The following LRIT3 variants were observed in gnomAD, a reference collection of about 807,000 sequenced individuals.
LRIT3 encodes leucine-rich repeat, immunoglobulin-like domain and transmembrane domain-containing protein 3.
Under a neutral mutation model 22.6 loss-of-function variants are expected in LRIT3, and 14 were observed. That is an observed-to-expected ratio of 0.62 (90% CI 0.41 to 0.97). The LOEUF is 0.97. Ranked by LOEUF, LRIT3 falls within the 50% of genes least tolerant of loss-of-function variation. The pLI, the probability that LRIT3 is intolerant of heterozygous loss-of-function variation, is 0.00. For missense variants in LRIT3, 783 were observed against 803.0 expected, an observed-to-expected ratio of 0.98 and a Z score of 0.30; for synonymous variants, 306 against 304.5, an observed-to-expected ratio of 1.01 and a Z score of -0.05.
chr4:109,860,271 C>T (rs956816452), intron 2 of LRIT3, among the ~76,000 whole-genome samples: 3 of 152,068 alleles, frequency 2.0e-5, no homozygotes, highest in Admixed American at 1.3e-4. Context: ...TAAACATGGG[C>T]TCTTTTCCTA....
At chr4:109,866,243 A>G (rs2125900597) in intron 2 of LRIT3, among the ~76,000 whole-genome samples, 1 of 152,146 alleles carries the variant, frequency 6.6e-6, no homozygotes, top group East Asian at 1.9e-4. Flanking sequence ...TTTATAATCC[A>G]CTCCATTAGT....
chr4:109,850,426 T>TTCCTTCTTTCTTTCTTTCTTC (rs1560589010), intron 1 of LRIT3, among the ~76,000 whole-genome samples: 1 of 60,806 alleles, frequency 1.6e-5, no homozygotes, highest in Non-Finnish European at 3.0e-5. Context: ...TTCCTTCCTT[T>TTCCTTCTTTCTTTCTTTCTTC]CTTTCTTTCT....
chr4:109,865,472 C>T (rs1438233553), intron 2 of LRIT3, among the ~76,000 whole-genome samples: 1 of 152,100 alleles, frequency 6.6e-6, no homozygotes, highest in Non-Finnish European at 1.5e-5. Context: ...ATCATATCTC[C>T]ACCATTACTT....
rs78445895 is a variant in LRIT3, at chr4:109,860,422, C to T, written c.590-7219C>T. Among the ~76,000 whole-genome samples the T allele has an allele frequency of 1.8e-3, 275 of 152,242 alleles. 2 individuals are homozygous for T. Among genetic ancestry groups the T allele is most frequent in the African/African-American group, 6.1e-3 (252 of 41,546 alleles). The stretch of plus-strand genomic sequence containing the variant: ...CTTTTTTGGTTTGAGGAAACAAATC[C>T]ACATAGGTAAGGTTTATGCCTTGCT... On this transcript the variant is annotated intron_variant, in intron 2 of 3. Coordinates refer to ENST00000594814, the MANE Select transcript of LRIT3 (RefSeq NM_198506.5).
chr4:109,848,128 T>C lies in LRIT3; in HGVS notation c.-74T>C, dbSNP rs1324090487. The C allele has an allele frequency of 8.8e-6, 6 of 678,620 alleles. No individual in the cohort carries two copies. The highest frequency in any genetic ancestry group is 3.7e-5 in the African/African-American group (2 of 53,720). The allele number at this position is 678,620 out of a possible 1,614,324, so 42.0% of individuals were successfully genotyped here. A position where few individuals can be genotyped will look rare whatever the true frequency, so the allele number is the denominator to read the frequency against. ...TGCTGTTACTAAATGGCTGTTTGTA[T>C]TCCAGGCATACCAGGTTCTGAATGC... On this transcript the variant is annotated 5_prime_UTR_variant, in exon 1 of 4. Transcript: ENST00000594814.
At chr4:109,858,413 C>CAAAAA (rs1734456288) in intron 2 of LRIT3, among the ~76,000 whole-genome samples, 1 of 151,990 alleles carries the variant, frequency 6.6e-6, no homozygotes, top group East Asian at 1.9e-4. Context: ...TAGTTGTTTC[C>CAAAAA]TGCTGTGGCA....
intron 2 of LRIT3, among the ~76,000 whole-genome samples, chr4:109,862,475 A>G (rs1385483219): frequency 6.6e-6 from 1 of 152,214 alleles, no homozygotes; most frequent in Non-Finnish European, 1.5e-5. Context: ...TGACCTTAGA[A>G]GTTTCAAGCT....
chr4:109,870,958 C>A lies in LRIT3; in HGVS notation c.*169C>A. ...CCATGAGACCTCTGAACTGAAAAGACAAATAATGTTGATTTTTTTTCTTGT... is the reference window on the plus strand; with the variant it reads ...CCATGAGACCTCTGAACTGAAAAGAAAAATAATGTTGATTTTTTTTCTTGT... On this transcript the variant is annotated 3_prime_UTR_variant, in exon 4 of 4. Coordinates refer to ENST00000594814, the MANE Select transcript of LRIT3 (RefSeq NM_198506.5). The A allele has an allele frequency of 3.4e-6, 2 of 581,558 alleles. No individual in the cohort carries two copies. The highest frequency in any genetic ancestry group is 5.3e-6 in the Non-Finnish European group (2 of 375,170). 36.0% of individuals were successfully genotyped at this position (581,558 alleles called of 1,614,324 possible). A position where few individuals can be genotyped will look rare whatever the true frequency, so the allele number is the denominator to read the frequency against.
In LRIT3 at chr4:109,851,604, T is replaced by C; in HGVS notation, c.217T>C (p.Ser73Pro). 6 of 1,551,774 alleles carry C rather than the reference T, an allele frequency of 3.9e-6. No individual in the cohort carries two copies. Among genetic ancestry groups the C allele is most frequent in the Non-Finnish European group, 5.2e-6 (6 of 1,147,002 alleles). ...AGAGAAGACTGTCATCCGCAGAATC[T>C]CTGCGGAGGCCTTCTATTACCTGGT... ...RIEKTVIRRI[S>P]AEAFYYLVEL... is the part of the protein sequence containing the mutation. The change falls in exon 2 of 4, where the codon TCT becomes CCT. Residue 73 changes from serine to proline, a missense_variant. Ser to Pro is a moderately conservative substitution (Grantham distance 74). Transcript: ENST00000594814.
chr4:109,848,234 T>C lies in LRIT3; in HGVS notation c.33T>C (p.Leu11=). 1 of 1,232,122 alleles carries C rather than the reference T, an allele frequency of 8.1e-7. No individual in the cohort carries two copies. Among genetic ancestry groups the C allele is most frequent in the Non-Finnish European group, 1.0e-6 (1 of 987,896 alleles). 76.3% of individuals were successfully genotyped at this position (1,232,122 alleles called of 1,614,324 possible). ...TCTTTGCATGTCTGTGCATTGTCCT[T>C]AGCTTTTTGGAAGGAGTGGGCTGTT... The part of the protein sequence containing the change: MHLFACLCIV[L]SFLEGVGCLC... Residue 11 remains leucine, a synonymous_variant, in exon 1 of 4, where the codon CTT becomes CTC. Coordinates refer to ENST00000594814, the MANE Select transcript of LRIT3 (RefSeq NM_198506.5).
At chr4:109,857,528 A>G (rs1016339034) in intron 2 of LRIT3, among the ~76,000 whole-genome samples, 2 of 152,192 alleles carry the variant, frequency 1.3e-5, no homozygotes, top group Non-Finnish European at 2.9e-5. Flanking sequence ...AATCTCCATA[A>G]TTCTGAATGT....
chr4:109,867,542 T>C (rs1734711990), intron 2 of LRIT3, 99 bp from the exon 3 acceptor site: 1 of 1,131,704 alleles, frequency 8.8e-7, no homozygotes, highest in African/African-American at 1.6e-5. Flanking sequence ...CACTTCTGTT[T>C]ATAGGGAGAC....
chr4:109,855,760 A>G (rs1248553486), intron 2 of LRIT3, among the ~76,000 whole-genome samples: 2 of 152,192 alleles, frequency 1.3e-5, no homozygotes, highest in Non-Finnish European at 2.9e-5. Flanking sequence ...CATTGGTTTC[A>G]AAGAACATCT....
rs776245277 is a variant in LRIT3, at chr4:109,870,323, A to G, written c.1574A>G (p.Lys525Arg). 1 of 1,614,200 alleles carries G rather than the reference A, an allele frequency of 6.2e-7. No individual in the cohort carries two copies. The highest frequency in any genetic ancestry group is 1.1e-5 in the South Asian group (1 of 91,080). The change falls in exon 4 of 4, where the codon AAG becomes AGG. Residue 525 changes from lysine to arginine, a missense_variant. Physicochemically the swap from Lys to Arg is conservative, Grantham distance 26. Around this residue, in one of 2 missense-constraint regions of LRIT3, gnomAD observed 756 missense variants for 753.8 expected, o/e 1.00. Transcript: ENST00000594814. ...GTGTTGTATTCCAAGTATGGTGGGA[A>G]GGACCTGCTGCTGTTGAATGCAGAC... is the stretch of plus-strand genomic sequence containing the variant. The part of the protein sequence containing the change: ...VTVLYSKYGG[K>R]DLLLLNADSS...
At chr4:109,854,581 G>T (rs1351132572) in intron 2 of LRIT3, among the ~76,000 whole-genome samples, 1 of 152,114 alleles carries the variant, frequency 6.6e-6, no homozygotes, top group Non-Finnish European at 1.5e-5. Flanking sequence ...TTGCCTGATT[G>T]CCCTGGCCAG....
rs548812499 is a variant in LRIT3 at position 109,869,926 on chromosome 4, C to T, written c.1177C>T (p.Pro393Ser). 6.2e-7 allele frequency: 1 copy of T among 1,613,848 alleles called. No individual in the cohort carries two copies. Among genetic ancestry groups the T allele is most frequent in the African/African-American group, 1.3e-5 (1 of 75,010 alleles). ...SSYLWSSSFS[P>S]TSSFSASTLS... ...ATATCTTTGGTCCTCTTCCTTCTCC[C>T]CCACATCTTCTTTTTCTGCTTCTAC... is the stretch of plus-strand genomic sequence containing the variant. The change falls in exon 4 of 4, where the codon CCC becomes TCC. Residue 393 changes from proline (P) to serine (S), a missense_variant. Around this residue, in one of 2 missense-constraint regions of LRIT3, gnomAD observed 756 missense variants for 753.8 expected, o/e 1.00. Coordinates refer to ENST00000594814, the MANE Select transcript of LRIT3 (RefSeq NM_198506.5).
At chr4:109,856,982 T>C (rs1039597693) in intron 2 of LRIT3, among the ~76,000 whole-genome samples, 2 of 152,144 alleles carry the variant, frequency 1.3e-5, no homozygotes, top group East Asian at 1.9e-4. Context: ...ATATTATTAA[T>C]AACATCGATA....
chr4:109,869,934 T>C lies in LRIT3; in HGVS notation c.1185T>C (p.Ser395=). Residue 395 remains serine (S), a synonymous_variant, in exon 4 of 4, where the codon TCT becomes TCC. Transcript: ENST00000594814. Reference sequence around the variant, plus strand: ...GGTCCTCTTCCTTCTCCCCCACATCTTCTTTTTCTGCTTCTACTTTGTCTC... The same window carrying C: ...GGTCCTCTTCCTTCTCCCCCACATCCTCTTTTTCTGCTTCTACTTTGTCTC... ...YLWSSSFSPT[S]SFSASTLSPP... 1 of 1,501,394 alleles carries C rather than the reference T, an allele frequency of 6.7e-7. No homozygotes were observed. Among genetic ancestry groups the C allele is most frequent in the East Asian group, 2.2e-5 (1 of 44,880 alleles). The allele number at this position is 1,501,394 out of a possible 1,614,324, so 93.0% of individuals were successfully genotyped here.
intron 2 of LRIT3, among the ~76,000 whole-genome samples, chr4:109,856,330 C>G (rs1430373689): frequency 6.6e-6 from 1 of 152,138 alleles, no homozygotes; most frequent in Non-Finnish European, 1.5e-5. Context: ...CATAGCTTGG[C>G]GCTGATCATG....
Sources: allele counts gnomAD v4.1 joint callset (sites outside exome capture counted in the v4.1 genomes callset), GRCh38; gene constraint gnomAD v4.1.1; regional missense constraint gnomAD v4.1.1; transcripts MANE v1.5; gene names NCBI Gene and HGNC (gene_info 2026-07-23, HGNC 2026-07-21).